Variants in FANK1 observed in about 807,000 individuals in gnomAD.
FANK1 encodes the protein fibronectin type 3 and ankyrin repeat domains protein 1.
In FANK1, 44 loss-of-function variants were observed where a neutral mutation model predicts 45.3. The observed-to-expected ratio is 0.97, with a 90% CI of 0.76 to 1.25. The LOEUF is 1.25. Ranked by LOEUF, FANK1 falls within the 50% of genes most tolerant of loss-of-function variation. The pLI is 0.00. For missense variants in FANK1, 391 were observed against 424.4 expected, an observed-to-expected ratio of 0.92 and a Z score of 0.69; for synonymous variants, 149 against 152.5, an observed-to-expected ratio of 0.98 and a Z score of 0.17.
intron 1 of FANK1, among the ~76,000 whole-genome samples, chr10:125,900,701 C>T (rs1944962226): frequency 6.6e-6 from 1 of 152,032 alleles, no homozygotes; most frequent in African/African-American, 2.4e-5. Flanking sequence ...ACCCAGGCTG[C>T]AGTGTGGTGG....
At chr10:125,920,087 G>A (rs961789892) in intron 1 of FANK1, among the ~76,000 whole-genome samples, 5 of 152,094 alleles carry the variant, frequency 3.3e-5, no homozygotes, top group South Asian at 2.1e-4. Flanking sequence ...CCTGTCTCTC[G>A]TACTCTCTGT....
At chr10:126,009,288 A>G (rs1400932449) in intron 10 of FANK1, 22 bp downstream of exon 10, 1 of 1,614,050 alleles carries the variant, frequency 6.2e-7, no homozygotes, top group East Asian at 2.2e-5. Context: ...CTTTCTGCCT[A>G]TCAAGGCTAA....
chr10:126,007,337 G>A (rs1045773615), intron 7 of FANK1, among the ~76,000 whole-genome samples: 4 of 152,176 alleles, frequency 2.6e-5, no homozygotes, highest in Non-Finnish European at 4.4e-5. Context: ...TCTGATTAAC[G>A]TTTAGGACCA....
chr10:125,975,162 C>T (rs1950779336), intron 1 of FANK1, among the ~76,000 whole-genome samples: 1 of 152,184 alleles, frequency 6.6e-6, no homozygotes, highest in Admixed American at 6.5e-5. Flanking sequence ...CATGTTCCCG[C>T]ACAAGACCTG....
intron 1 of FANK1, among the ~76,000 whole-genome samples, chr10:125,900,852 G>A (rs1178700571): frequency 6.6e-6 from 1 of 152,150 alleles, no homozygotes; most frequent in Non-Finnish European, 1.5e-5. Context: ...GTTTCACCAT[G>A]TTGGTCAGGC....
At chr10:125,990,525 C>T (rs1951855010) in intron 3 of FANK1, among the ~76,000 whole-genome samples, 1 of 152,168 alleles carries the variant, frequency 6.6e-6, no homozygotes, top group African/African-American at 2.4e-5. Context: ...ATTAGTTTTC[C>T]ACTGGCCAGT....
intron 1 of FANK1, among the ~76,000 whole-genome samples, chr10:125,912,092 G>A (rs199931719): frequency 1.3e-5 from 2 of 152,148 alleles, no homozygotes; most frequent in Admixed American, 6.5e-5. Flanking sequence ...TGCCCTGATC[G>A]TCTTTGATGT....
At chr10:125,987,261 A>G (rs956750301) in intron 2 of FANK1, among the ~76,000 whole-genome samples, 1 of 152,076 alleles carries the variant, frequency 6.6e-6, no homozygotes, top group Non-Finnish European at 1.5e-5. Context: ...CACTAGATAC[A>G]CTTGTTGAGT....
At chr10:125,956,196 A>AC (rs1554930937) in intron 1 of FANK1, among the ~76,000 whole-genome samples, 1 of 89,736 alleles carries the variant, frequency 1.1e-5, no homozygotes, top group Non-Finnish European at 2.1e-5. Context: ...TCTATGATAC[A>AC]TTTTTTGGGG....
At position 125,914,568 on chromosome 10, in the gene FANK1, A is replaced by G. The variant is rs1189167540; in HGVS notation, c.13+17913A>G. On this transcript the variant is annotated intron_variant, in intron 1 of 10. Coordinates refer to ENST00000368693, the MANE Select transcript of FANK1 (RefSeq NM_145235.5). ...TTTGTTAACCATATTTTCATTATCA[A>G]AGAGGAAAAACTAAACATTCCCTAA... is the stretch of plus-strand genomic sequence containing the variant. Among the ~76,000 whole-genome samples, 5 of 152,220 alleles carry G rather than the reference A, an allele frequency of 3.3e-5. No individual in the cohort carries two copies. In the South Asian group the frequency reaches 1.0e-3, roughly 31 times the overall value.
At chr10:125,954,125 A>C (rs372426638) in intron 1 of FANK1, among the ~76,000 whole-genome samples, 2 of 64,204 alleles carry the variant, frequency 3.1e-5, no homozygotes, top group South Asian at 5.5e-4. Flanking sequence ...TGATTGGCTA[A>C]CTTGAATGGT....
At chr10:125,914,295 A>ATATATATATATATATATATATATATATAT (rs1946274486) in intron 1 of FANK1, among the ~76,000 whole-genome samples, 3 of 151,038 alleles carry the variant, frequency 2.0e-5, no homozygotes, top group African/African-American at 4.9e-5. Flanking sequence ...ATATATATTT[A>ATATATATATATATATATATATATATATAT]AAAAGTCTCA....
At chr10:125,969,707 G>C (rs1358974288) in intron 1 of FANK1, among the ~76,000 whole-genome samples, 2 of 152,066 alleles carry the variant, frequency 1.3e-5, no homozygotes, top group African/African-American at 4.8e-5. Flanking sequence ...GACAATAGTG[G>C]AGAGAAGGTC....
chr10:125,968,030 T>C (rs1355677989), intron 1 of FANK1, among the ~76,000 whole-genome samples: 1 of 152,142 alleles, frequency 6.6e-6, no homozygotes, highest in Non-Finnish European at 1.5e-5. Context: ...TACATGTTTT[T>C]CATATAATTT....
chr10:125,912,615 ATATATAGTGCT>A (rs1329511205), intron 1 of FANK1, among the ~76,000 whole-genome samples: 22 of 152,110 alleles, frequency 1.4e-4, no homozygotes, highest in Non-Finnish European at 3.1e-4. Context: ...CATCTACTTA[ATATATAGTGCT>A]TACCTTTGTT....
At chr10:125,939,353 A>G (rs1228394568) in intron 1 of FANK1, among the ~76,000 whole-genome samples, 1 of 152,236 alleles carries the variant, frequency 6.6e-6, no homozygotes, top group Non-Finnish European at 1.5e-5. Context: ...TATTAAGTCA[A>G]GCTTTTCAGT....
intron 1 of FANK1, among the ~76,000 whole-genome samples, chr10:125,920,996 T>C (rs990767208): frequency 6.6e-6 from 1 of 152,212 alleles, no homozygotes; most frequent in African/African-American, 2.4e-5. Flanking sequence ...CTGCTTCCTC[T>C]CCGGTGATCT....
rs545986878 is a variant in FANK1, at chr10:125,907,604, G to A, written c.13+10949G>A. The A allele has an allele frequency of 3.6e-3, 2,836 of 782,360 alleles. 7 individuals are homozygous for A. Among genetic ancestry groups the A allele is most frequent in the Non-Finnish European group, 4.0e-3 (2,593 of 644,474 alleles). 48.5% of individuals were successfully genotyped at this position (782,360 alleles called of 1,614,324 possible). A position where few individuals can be genotyped will look rare whatever the true frequency, so the allele number is the denominator to read the frequency against. On this transcript the variant is annotated intron_variant, in intron 1 of 10. Transcript: ENST00000368693. Reference sequence around the variant, plus strand: ...TGTGTGTGTGTGTGTGTATGTGTGTGTGTGTGTGTGCACAGAAGAAAGGAG... The same window carrying A: ...TGTGTGTGTGTGTGTGTATGTGTGTATGTGTGTGTGCACAGAAGAAAGGAG...
chr10:125,956,195 C>A (rs1949558517), intron 1 of FANK1, among the ~76,000 whole-genome samples: 1 of 48,756 alleles, frequency 2.1e-5, no homozygotes, highest in South Asian at 9.4e-4. Context: ...TTCTATGATA[C>A]ATTTTTTGGG....
Sources: allele counts gnomAD v4.1 joint callset (sites outside exome capture counted in the v4.1 genomes callset), GRCh38; gene constraint gnomAD v4.1.1; transcripts MANE v1.5; gene names NCBI Gene and HGNC (gene_info 2026-07-23, HGNC 2026-07-21).